Variants in PCDHGA3 observed in about 807,000 individuals in gnomAD.
PCDHGA3 encodes protocadherin gamma subfamily A, 3, also known as protocadherin gamma-A3.
A neutral mutation model predicts 58.5 loss-of-function variants in PCDHGA3; 40 were observed. That is an observed-to-expected ratio of 0.68 (90% CI 0.53 to 0.89). PCDHGA3 has a LOEUF of 0.89. Ranked by LOEUF, PCDHGA3 falls within the 40% of genes least tolerant of loss-of-function variation. The pLI, the probability that PCDHGA3 is intolerant of heterozygous loss-of-function variation, is 0.00. For synonymous variants in PCDHGA3, 530 were observed against 525.7 expected (o/e 1.01, Z -0.11); for missense variants, 1,223 against 1,195.9 (o/e 1.02, Z -0.33).
At chr5:141,393,821 G>T (rs2240700) in intron 1 of PCDHGA3, 228,339 of 1,613,716 alleles carry the variant, frequency 0.14, 18,414 homozygotes, top group African/African-American at 0.32. Context: ...TGCTCATTTC[G>T]GTGGAAGATG....
intron 1 of PCDHGA3, among the ~76,000 whole-genome samples, chr5:141,434,021 C>A (rs1023145172): frequency 2.0e-5 from 3 of 152,052 alleles, no homozygotes; most frequent in Admixed American, 2.0e-4. Context: ...TTCTATGATT[C>A]TGGAAGCATG....
At chr5:141,374,684 G>A in intron 1 of PCDHGA3, 1 of 1,609,636 alleles carries the variant, frequency 6.2e-7, no homozygotes, top group Non-Finnish European at 8.5e-7. Flanking sequence ...GGGCACACTG[G>A]ACCGGGAAGG....
chr5:141,356,037 T>C, intron 1 of PCDHGA3: 1 of 1,614,004 alleles, frequency 6.2e-7, no homozygotes, highest in South Asian at 1.1e-5. Context: ...ACGTGACGTA[T>C]TCTTTCCGGA....
At chr5:141,456,020 C>A (rs2098840631) in intron 1 of PCDHGA3, among the ~76,000 whole-genome samples, 2 of 151,952 alleles carry the variant, frequency 1.3e-5, no homozygotes, top group South Asian at 4.2e-4. Flanking sequence ...GCCTCAGCCT[C>A]CCGAGTAGCT....
intron 1 of PCDHGA3, chr5:141,409,463 A>G (rs751200597): frequency 1.2e-6 from 2 of 1,613,744 alleles, no homozygotes; most frequent in Non-Finnish European, 1.7e-6. Context: ...ATACAATGTC[A>G]CCATCGTAGC....
intron 1 of PCDHGA3, chr5:141,413,740 C>T (rs1274240064): frequency 5.6e-6 from 9 of 1,613,284 alleles, no homozygotes; most frequent in African/African-American, 1.3e-5. Flanking sequence ...AGTTCAGAGC[C>T]GTGCCAATGG....
At chr5:141,383,997 T>C (rs1160859584) in intron 1 of PCDHGA3, 1 of 1,613,870 alleles carries the variant, frequency 6.2e-7, no homozygotes, top group Admixed American at 1.7e-5. Flanking sequence ...GGACAGTCAT[T>C]GCTCTTTTCT....
chr5:141,508,867 G>A (rs2099872497), intron 3 of PCDHGA3, among the ~76,000 whole-genome samples: 1 of 152,108 alleles, frequency 6.6e-6, no homozygotes. Flanking sequence ...GGGAAAGGCT[G>A]AAGAGGCTGA....
intron 1 of PCDHGA3, among the ~76,000 whole-genome samples, chr5:141,348,636 G>A (rs1282691121): frequency 6.6e-6 from 1 of 152,118 alleles, no homozygotes; most frequent in Non-Finnish European, 1.5e-5. Flanking sequence ...TACAGGTAAT[G>A]GAAGGTCTCA....
intron 1 of PCDHGA3, among the ~76,000 whole-genome samples, chr5:141,465,091 G>A (rs1689517062): frequency 6.7e-6 from 1 of 149,016 alleles, no homozygotes; most frequent in Non-Finnish European, 1.5e-5. Context: ...CATTTTTCTA[G>A]TAGTTTTTTT....
chr5:141,418,506 A>G, intron 1 of PCDHGA3: 1 of 1,613,978 alleles, frequency 6.2e-7, no homozygotes, highest in Non-Finnish European at 8.5e-7. Flanking sequence ...ACCGCCTTAG[A>G]TGGTGGGGAC....
At chr5:141,378,906 G>A (rs561615275) in intron 1 of PCDHGA3, 2 of 152,278 alleles carry the variant, frequency 1.3e-5, no homozygotes, top group African/African-American at 2.4e-5. Context: ...TTCTGTTATC[G>A]ACAGTCTTCA....
chr5:141,478,382 C>A (rs1287807889), intron 1 of PCDHGA3: 2 of 1,613,552 alleles, frequency 1.2e-6, no homozygotes, highest in South Asian at 2.2e-5. Flanking sequence ...GTCGCCGCAC[C>A]TTTACCATCA....
At chr5:141,454,789 G>T (rs1368681394) in intron 1 of PCDHGA3, among the ~76,000 whole-genome samples, 1 of 129,576 alleles carries the variant, frequency 7.7e-6, no homozygotes, top group African/African-American at 3.1e-5. Flanking sequence ...AATCCTCCAT[G>T]GTTCTAATTT....
chr5:141,352,636 C>T (rs1433554231), intron 1 of PCDHGA3: 7 of 1,609,730 alleles, frequency 4.3e-6, no homozygotes, highest in Non-Finnish European at 5.9e-6. Flanking sequence ...ATGAAGATCA[C>T]AAAATCGCTT....
chr5:141,510,854 T>A, intron 3 of PCDHGA3, 93 bp from the exon 4 acceptor site: 1 of 1,602,320 alleles, frequency 6.2e-7, no homozygotes, highest in East Asian at 2.2e-5. Context: ...CCCAGGGTGC[T>A]GTATAGGCAT....
intron 1 of PCDHGA3, among the ~76,000 whole-genome samples, chr5:141,401,846 A>G (rs1168982151): frequency 6.6e-6 from 1 of 152,216 alleles, no homozygotes; most frequent in Non-Finnish European, 1.5e-5. Context: ...AATACCACTT[A>G]CTTTTAACCT....
At chr5:141,451,557 G>T (rs192150041) in intron 1 of PCDHGA3, among the ~76,000 whole-genome samples, 2 of 152,234 alleles carry the variant, frequency 1.3e-5, no homozygotes, top group East Asian at 3.9e-4. Context: ...TGTGATGAAA[G>T]CCACAATCTT....
chr5:141,393,087 C>T (rs1244090890), intron 1 of PCDHGA3: 1 of 1,613,628 alleles, frequency 6.2e-7, no homozygotes, highest in African/African-American at 1.3e-5. Flanking sequence ...CAGGATAGAT[C>T]GGGAGGAGCT....
Sources: allele counts gnomAD v4.1 joint callset (sites outside exome capture counted in the v4.1 genomes callset), GRCh38; gene constraint gnomAD v4.1.1; transcripts MANE v1.5; gene names NCBI Gene and HGNC (gene_info 2026-07-23, HGNC 2026-07-21).